Variants in ERCC6L2 observed in about 807,000 individuals in gnomAD.
ERCC6L2 encodes the protein ERCC excision repair 6 like 2.
In ERCC6L2, 77 loss-of-function variants were observed where a neutral mutation model predicts 132.0. The observed-to-expected ratio is 0.58, with a 90% confidence interval of 0.49 to 0.71. The LOEUF (loss-of-function observed/expected upper bound fraction) is 0.71, where lower values mean the gene tolerates loss of function less well. ERCC6L2 is among the 30% of genes least tolerant of loss of function. The pLI, the probability that ERCC6L2 is intolerant of heterozygous loss-of-function variation, is 0.00. For synonymous variants in ERCC6L2, 583 were observed against 632.4 expected, an observed-to-expected ratio of 0.92 and a Z score of 1.17; for missense variants, 1,542 against 1,837.6, an observed-to-expected ratio of 0.84 and a Z score of 2.94.
At chr9:95,984,925 A>T (rs1049026961) in intron 17 of ERCC6L2, among the ~76,000 whole-genome samples, 3 of 152,074 alleles carry the variant, frequency 2.0e-5, no homozygotes, top group African/African-American at 7.3e-5. Context: ...AACATAGTTA[A>T]TCAGTCAGGG....
intron 6 of ERCC6L2, 107 bp from the exon 7 acceptor site, chr9:95,921,068 C>T: frequency 9.1e-7 from 1 of 1,099,452 alleles, no homozygotes; most frequent in South Asian, 1.8e-5. Context: ...AGCCTCTGCG[C>T]CCGGCCAGTT....
chr9:95,914,886 A>G (rs200744699), intron 4 of ERCC6L2, among the ~76,000 whole-genome samples: 1 of 117,678 alleles, frequency 8.5e-6, no homozygotes, highest in Non-Finnish European at 1.8e-5. Flanking sequence ...CCCATTTTTT[A>G]AAAGTTTGAG....
chr9:95,942,170 G>A (rs1031907662), intron 12 of ERCC6L2, among the ~76,000 whole-genome samples: 1 of 152,126 alleles, frequency 6.6e-6, no homozygotes, highest in Non-Finnish European at 1.5e-5. Flanking sequence ...GTTGGAACCA[G>A]ATCATAAAGC....
At chr9:95,969,840 G>A (rs768340216) in intron 14 of ERCC6L2, among the ~76,000 whole-genome samples, 2 of 152,150 alleles carry the variant, frequency 1.3e-5, no homozygotes, top group Non-Finnish European at 2.9e-5. Context: ...GTATTCTTAA[G>A]TTGGGCATTT....
intron 19 of ERCC6L2, among the ~76,000 whole-genome samples, chr9:96,027,397 G>T (rs1834393289): frequency 6.6e-6 from 1 of 152,358 alleles, no homozygotes; most frequent in South Asian, 2.1e-4. Flanking sequence ...CGGGCTGCGG[G>T]AAAGGAGAGG....
Position 95,972,391 on chromosome 9 carries a change from GA to G in ERCC6L2, c.2647del (p.Ile883LeufsTer37). ...EQNISSKSDE[K>X]KIKNTDKHCI... ...AGAATATTTCTTCCAAGTCTGACGA[GA>G]AAAAAATTAAAAATACAGATAAACA... On this transcript the variant is annotated frameshift_variant, in exon 16 of 19. Transcript: ENST00000653738. LOFTEE classifies it high-confidence loss of function. 7.9e-7 allele frequency: 1 copy of G among 1,269,954 alleles called. No individual in the cohort carries two copies. The allele number at this position is 1,269,954 out of a possible 1,614,324, so 78.7% of individuals were successfully genotyped here.
intron 2 of ERCC6L2, among the ~76,000 whole-genome samples, chr9:95,886,553 A>G (rs979635843): frequency 5.9e-5 from 9 of 152,162 alleles, no homozygotes; most frequent in African/African-American, 1.9e-4. Context: ...TGACTTAATA[A>G]TACAGTTAAT....
At chr9:95,997,099 A>G (rs1292386036) in intron 17 of ERCC6L2, among the ~76,000 whole-genome samples, 4 of 152,260 alleles carry the variant, frequency 2.6e-5, no homozygotes, top group Admixed American at 6.5e-5. Flanking sequence ...AATAAGTTTC[A>G]TAAGACTGTA....
At chr9:95,926,092 T>C (rs1203471378) in intron 9 of ERCC6L2, among the ~76,000 whole-genome samples, 2 of 152,126 alleles carry the variant, frequency 1.3e-5, no homozygotes, top group African/African-American at 4.8e-5. Flanking sequence ...CAAGCCCAAA[T>C]GTTGGTGAGG....
intron 3 of ERCC6L2, among the ~76,000 whole-genome samples, chr9:95,905,644 C>G (rs1406199360): frequency 6.6e-6 from 1 of 152,152 alleles, no homozygotes; most frequent in Admixed American, 6.6e-5. Context: ...GACGGACATA[C>G]TTGAGATGAA....
chr9:95,922,840 T>G (rs1267173206), intron 8 of ERCC6L2, among the ~76,000 whole-genome samples: 1 of 152,200 alleles, frequency 6.6e-6, no homozygotes, highest in Non-Finnish European at 1.5e-5. Context: ...CAAAGTTTAC[T>G]TTGGTTGTTT....
chr9:95,924,455 T>A (rs755761591), intron 9 of ERCC6L2, among the ~76,000 whole-genome samples: 1 of 152,140 alleles, frequency 6.6e-6, no homozygotes, highest in Non-Finnish European at 1.5e-5. Context: ...TGTCATCCAT[T>A]TCATTGACTT....
chr9:95,952,729 G>A (rs1335699650), intron 12 of ERCC6L2, among the ~76,000 whole-genome samples: 1 of 151,998 alleles, frequency 6.6e-6, no homozygotes, highest in Admixed American at 6.6e-5. Context: ...CCAGCTGCTT[G>A]CTTGGGTGGC....
chr9:96,006,414 C>T (rs1292941740), intron 18 of ERCC6L2, among the ~76,000 whole-genome samples: 3 of 152,238 alleles, frequency 2.0e-5, no homozygotes, highest in Non-Finnish European at 4.4e-5. Context: ...CAGCAGGCAC[C>T]TTGGCAGGAG....
At chr9:95,904,873 A>T (rs1186191700) in intron 3 of ERCC6L2, 1 of 152,220 alleles carries the variant, frequency 6.6e-6, no homozygotes, top group Non-Finnish European at 1.5e-5. Context: ...TAGTTGCATT[A>T]TTTAACCTAG....
At chr9:95,896,051 A>G (rs1395988031) in intron 2 of ERCC6L2, among the ~76,000 whole-genome samples, 5 of 151,962 alleles carry the variant, frequency 3.3e-5, no homozygotes, top group Non-Finnish European at 7.4e-5. Flanking sequence ...AAACTTTTTT[A>G]TTGTTTCATA....
At chr9:95,977,008 G>A (rs1361410959) in intron 16 of ERCC6L2, among the ~76,000 whole-genome samples, 2 of 152,072 alleles carry the variant, frequency 1.3e-5, no homozygotes, top group Admixed American at 6.6e-5. Flanking sequence ...TGGTTGGTGT[G>A]CTACAGTTAG....
At chr9:95,922,116 T>G (rs780131473) in intron 7 of ERCC6L2, among the ~76,000 whole-genome samples, 189 bp from the exon 8 acceptor site, 1 of 152,216 alleles carries the variant, frequency 6.6e-6, no homozygotes, top group Non-Finnish European at 1.5e-5. Context: ...GTATTATGAT[T>G]TACCAAAAGT....
chr9:95,991,799 G>T, intron 17 of ERCC6L2, among the ~76,000 whole-genome samples: 1 of 152,110 alleles, frequency 6.6e-6, no homozygotes, highest in East Asian at 1.9e-4. Flanking sequence ...TTTTCTAAAT[G>T]ACCAGTGAAT....
Sources: gnomAD v4.1 joint callset for allele counts (sites outside exome capture counted in the v4.1 genomes callset) on GRCh38, gnomAD v4.1.1 for gene constraint, MANE v1.5 for transcripts, NCBI Gene and HGNC (gene_info 2026-07-23, HGNC 2026-07-21) for gene names.